The following C2orf76 variants were observed in gnomAD, a reference collection of about 807,000 sequenced individuals.
C2orf76 encodes the protein chromosome 2 open reading frame 76, also known as UPF0538 protein C2orf76.
C2orf76 carries 23 observed loss-of-function variants against 16.9 expected under a neutral mutation model. The observed-to-expected ratio is 1.36, with a 90% CI of 0.98 to 1.93. The LOEUF (loss-of-function observed/expected upper bound fraction) is 1.93. Among genes scored for constraint, C2orf76 ranks in the 30% most tolerant of loss-of-function variants. The pLI is 0.00. For synonymous variants in C2orf76, 48 were observed against 52.3 expected, an observed-to-expected ratio of 0.92 and a Z score of 0.35; for missense variants, 152 against 152.6, an observed-to-expected ratio of 1.00 and a Z score of 0.02.
chr2:119,297,064 CTCACAA>C, the C2orf76 span, among the ~76,000 whole-genome samples: 1 of 152,222 alleles, frequency 6.6e-6, no homozygotes, highest in Non-Finnish European at 1.5e-5. Flanking sequence ...TGCACTCACT[CTCACAA>C]TAAGTACCCG....
At chr2:119,288,544 G>C in the C2orf76 span, among the ~76,000 whole-genome samples, 1 of 151,990 alleles carries the variant, frequency 6.6e-6, no homozygotes, top group Non-Finnish European at 1.5e-5. Context: ...TGGGAGTAAG[G>C]GGATAATACA....
intron 2 of C2orf76, among the ~76,000 whole-genome samples, chr2:119,322,014 C>T (rs913309043): frequency 2.2e-4 from 32 of 146,662 alleles, no homozygotes; most frequent in African/African-American, 6.6e-4. Context: ...TCAAAGACAA[C>T]AAAACACAGT....
At chr2:119,355,411 C>T (rs1165442984) in intron 1 of C2orf76, among the ~76,000 whole-genome samples, 1 of 152,194 alleles carries the variant, frequency 6.6e-6, no homozygotes, top group African/African-American at 2.4e-5. Flanking sequence ...TGTCCAGTAG[C>T]ATGAAGACAT....
intron 1 of C2orf76, among the ~76,000 whole-genome samples, chr2:119,343,957 A>G (rs1292712399): frequency 2.0e-5 from 3 of 152,248 alleles, no homozygotes; most frequent in African/African-American, 7.2e-5. Flanking sequence ...GCAGATAAAG[A>G]TAAATTCCCA....
chr2:119,309,964 A>G (rs984627428), intron 5 of C2orf76, among the ~76,000 whole-genome samples: 1 of 152,198 alleles, frequency 6.6e-6, no homozygotes, highest in Non-Finnish European at 1.5e-5. Flanking sequence ...TAACCCATCT[A>G]CAATTTATTT....
chr2:119,284,391 T>C, the C2orf76 span, among the ~76,000 whole-genome samples: 4,112 of 152,174 alleles, frequency 0.027, 89 homozygotes, highest in East Asian at 0.13. Flanking sequence ...CTGTGTACAG[T>C]TGTAGGGCTT....
chr2:119,324,341 G>A lies in C2orf76; in HGVS notation c.134-3137C>T, dbSNP rs112703682. On this transcript the variant is annotated intron_variant, in intron 2 of 5. Coordinates refer to ENST00000334816, the MANE Select transcript of C2orf76 (RefSeq NM_001322331.2). ...TCTCCTCTGACAACCCTTCTAAAGC[G>A]GGGGTCTTCTCTGATATTGTTTCCT... Among the ~76,000 whole-genome samples the A allele has an allele frequency of 4.5e-4, 68 of 152,262 alleles. No individual in the cohort carries two copies. In the South Asian group the frequency reaches 7.9e-3, roughly 18 times the overall value.
chr2:119,299,959 C>G (rs1357904503), downstream of C2orf76, among the ~76,000 whole-genome samples: 1 of 152,158 alleles, frequency 6.6e-6, no homozygotes, highest in Non-Finnish European at 1.5e-5. Context: ...TTCCTTCCTC[C>G]CCACACTATC....
chr2:119,344,677 A>T (rs1042730026), intron 1 of C2orf76, among the ~76,000 whole-genome samples: 1 of 152,216 alleles, frequency 6.6e-6, no homozygotes, highest in Non-Finnish European at 1.5e-5. Flanking sequence ...GAGACCAGTG[A>T]CACCAATTAT....
chr2:119,283,066 G>T, the C2orf76 span, among the ~76,000 whole-genome samples: 5 of 152,178 alleles, frequency 3.3e-5, no homozygotes, highest in Non-Finnish European at 7.4e-5. Context: ...TAATTAGCAG[G>T]GTCCTTCACA....
At chr2:119,310,931 C>G (rs754603406) in intron 5 of C2orf76, among the ~76,000 whole-genome samples, 3 of 152,138 alleles carry the variant, frequency 2.0e-5, no homozygotes, top group Admixed American at 6.5e-5. Flanking sequence ...ACACTGCATC[C>G]GTCACCAACC....
intron 2 of C2orf76, among the ~76,000 whole-genome samples, chr2:119,335,788 A>C (rs1319340790): frequency 4.6e-5 from 7 of 152,202 alleles, no homozygotes; most frequent in Non-Finnish European, 1.0e-4. Context: ...ATCTGATAAA[A>C]TCACTCTGTG....
chr2:119,320,577 A>C (rs1401962162), intron 3 of C2orf76, among the ~76,000 whole-genome samples: 1 of 152,190 alleles, frequency 6.6e-6, no homozygotes, highest in Non-Finnish European at 1.5e-5. Flanking sequence ...AACAGAATGA[A>C]AAGCCACTCC....
chr2:119,284,577 C>T, the C2orf76 span, among the ~76,000 whole-genome samples: 3 of 152,036 alleles, frequency 2.0e-5, no homozygotes, highest in African/African-American at 4.8e-5. Context: ...CCAAAAATAC[C>T]GTTCCAGGTT....
At chr2:119,306,784 A>G (rs1279546553) in intron 5 of C2orf76, among the ~76,000 whole-genome samples, 1 of 2,406 alleles carries the variant, frequency 4.2e-4, no homozygotes, top group Non-Finnish European at 5.1e-4. Flanking sequence ...TGGGTCCACA[A>G]GCAAAAACTC....
intron 5 of C2orf76, 93 bp from the exon 6 acceptor site, chr2:119,302,641 C>A: frequency 1.6e-6 from 1 of 642,438 alleles, no homozygotes; most frequent in South Asian, 4.0e-5. Context: ...TTCGGTATTT[C>A]AGAATAGCTT....
At chr2:119,342,597 G>T (rs906603643) in intron 1 of C2orf76, among the ~76,000 whole-genome samples, 2 of 150,938 alleles carry the variant, frequency 1.3e-5, no homozygotes, top group Admixed American at 1.3e-4. Flanking sequence ...GGGTGCCAGA[G>T]CAAGACTCGG....
intron 2 of C2orf76, among the ~76,000 whole-genome samples, chr2:119,335,333 C>T (rs1314634545): frequency 1.3e-5 from 2 of 152,172 alleles, no homozygotes; most frequent in African/African-American, 4.8e-5. Flanking sequence ...GTTTCTAACA[C>T]AATTTTCCAC....
intron 5 of C2orf76, among the ~76,000 whole-genome samples, chr2:119,310,038 G>T (rs1427936544): frequency 1.3e-5 from 2 of 152,160 alleles, no homozygotes; most frequent in African/African-American, 4.8e-5. Flanking sequence ...TTGGCAATGG[G>T]CTTGACATAA....
Sources: gnomAD v4.1 joint callset for allele counts (sites outside exome capture counted in the v4.1 genomes callset) on GRCh38, gnomAD v4.1.1 for gene constraint, MANE v1.5 for transcripts, NCBI Gene and HGNC (gene_info 2026-07-23, HGNC 2026-07-21) for gene names.